ZNF585A: variants seen among roughly 807,000 people sequenced by gnomAD.
ZNF585A encodes the protein zinc finger protein 585A.
Under a neutral mutation model 14.9 loss-of-function variants are expected in ZNF585A, and 9 were observed. The ratio of observed to expected loss-of-function variants is 0.60; its 90% CI spans 0.36 to 1.05. ZNF585A has a LOEUF of 1.05. Among genes scored for constraint, ZNF585A ranks in the 50% least tolerant of loss-of-function variants. The pLI is 0.01. For missense variants in ZNF585A, 726 were observed against 926.4 expected (o/e 0.78, Z 2.81); for synonymous variants, 276 against 319.9 (o/e 0.86, Z 1.46).
At position 37,152,209 on chromosome 19, in the gene ZNF585A, T is replaced by C. The variant is rs749622659; in HGVS notation, c.1690A>G (p.Ile564Val). 5.6e-6 allele frequency: 9 copies of C among 1,613,354 alleles called. No homozygotes were observed. Among genetic ancestry groups the C allele is most frequent in the East Asian group, 4.5e-5 (2 of 44,874 alleles). ...ECGKAFNQKS[I>V]LIVHQKIHTG... ...TGAATTTTCTGATGAACAATGAGTA[T>C]TGATTTCTGGTTGAAGGCTTTCCCA... is the stretch of plus-strand genomic sequence containing the variant. Residue 564 changes from isoleucine (I) to valine (V), a missense_variant, in exon 5 of 5, where the codon ATA (isoleucine) becomes GTA (valine). Ile to Val is a conservative substitution (Grantham distance 29). Coordinates refer to ENST00000292841, the MANE Select transcript of ZNF585A (RefSeq NM_001288800.2).
At chr19:37,169,284 G>A (rs1426371066) in intron 2 of ZNF585A, among the ~76,000 whole-genome samples, 2 of 151,850 alleles carry the variant, frequency 1.3e-5, no homozygotes, top group African/African-American at 2.4e-5. Flanking sequence ...AAATTAAAAC[G>A]TTGAATTAAA....
In ZNF585A at chr19:37,151,811, C is replaced by T. The variant is rs751372125; in HGVS notation, c.2088G>A (p.Gly696=). The T allele has an allele frequency of 6.2e-7, 1 of 1,612,468 alleles. No individual in the cohort carries two copies. Among genetic ancestry groups the T allele is most frequent in the African/African-American group, 1.3e-5 (1 of 74,736 alleles). Residue 696 remains glycine, a synonymous_variant, in exon 5 of 5, where the codon GGG becomes GGA. Coordinates refer to ENST00000292841, the MANE Select transcript of ZNF585A (RefSeq NM_001288800.2). ...GCTGTGATTTTTTAGTGAAAGACTT[C>T]CCACAGTCACTGCACTCATAAGGTT... The part of the protein sequence containing the change: ...GEKPYECSDC[G]KSFTKKSQLQ...
rs1299949964 is a variant in ZNF585A at position 37,151,062 on chromosome 19, T to C, written c.*527A>G. The C allele has an allele frequency of 3.4e-6, 1 of 296,304 alleles. No individual in the cohort carries two copies. The highest frequency in any genetic ancestry group is 2.2e-5 in the African/African-American group (1 of 46,256). The allele number at this position is 296,304 out of a possible 1,614,324, so 18.4% of individuals were successfully genotyped here. A position where few individuals can be genotyped will look rare whatever the true frequency, so the allele number is the denominator to read the frequency against. Reference sequence around the variant, plus strand: ...TGTAGCATCTCTTTCTTGATAGAAATACTGAATGAGGGTTGGATATGACCA... The same window carrying C: ...TGTAGCATCTCTTTCTTGATAGAAACACTGAATGAGGGTTGGATATGACCA... On this transcript the variant is annotated 3_prime_UTR_variant, in exon 5 of 5. Transcript: ENST00000292841.
At chr19:37,164,195 G>C (rs371851910) in intron 2 of ZNF585A, among the ~76,000 whole-genome samples, 1 of 152,084 alleles carries the variant, frequency 6.6e-6, no homozygotes, top group African/African-American at 2.4e-5. Flanking sequence ...GAAGCGGGTG[G>C]ATCACGAGGT....
chr19:37,159,551 T>C (rs1322634373), intron 2 of ZNF585A, among the ~76,000 whole-genome samples: 2 of 152,052 alleles, frequency 1.3e-5, no homozygotes, highest in Admixed American at 1.3e-4. Context: ...AGACAGGACA[T>C]CATCAAGGTT....
intron 2 of ZNF585A, among the ~76,000 whole-genome samples, chr19:37,161,114 A>G (rs62110076): frequency 0.022 from 3,343 of 152,288 alleles, 57 homozygotes; most frequent in Non-Finnish European, 0.035. Flanking sequence ...AAGAGGAGAA[A>G]CACTTCCAAA....
intron 1 of ZNF585A, among the ~76,000 whole-genome samples, chr19:37,170,380 A>G (rs1266287452): frequency 6.6e-6 from 1 of 152,244 alleles, no homozygotes; most frequent in African/African-American, 2.4e-5. Flanking sequence ...AAAATCTGTG[A>G]TAGGTATTAG....
intron 2 of ZNF585A, 50 bp downstream of exon 2, chr19:37,169,789 T>C: frequency 3.7e-6 from 6 of 1,601,214 alleles, no homozygotes; most frequent in East Asian, 4.5e-5. Flanking sequence ...AGACCAGAGA[T>C]ACCTAGTCCT....
Position 37,168,440 on chromosome 19 carries a change from A to G in ZNF585A, c.72+1399T>C, listed in dbSNP as rs532982538. ...ACCAATCTCTGACCACCATGGTGGA[A>G]GACAAAACCAAGACCACTCTGTCAT... On this transcript the variant is annotated intron_variant, in intron 2 of 4. Transcript: ENST00000292841. 2.6e-5 allele frequency among the ~76,000 whole-genome samples: 4 copies of G among 152,324 alleles called. No homozygotes were observed. The East Asian group carries it at 7.7e-4, about 29-fold the overall frequency.
Position 37,152,914 on chromosome 19 carries a change from TAC to T in ZNF585A, c.983_984del (p.Cys328TyrfsTer10), listed in dbSNP as rs1971860101. On this transcript the variant is annotated frameshift_variant, in exon 5 of 5. Transcript: ENST00000292841. LOFTEE classifies it low-confidence loss of function (END_TRUNC). ...TTGCTGAAGACCTTCCCATATTCGGTACATATATAGGGCTTCACTCTTGTGTG... is the reference window on the plus strand; with the variant it reads ...TTGCTGAAGACCTTCCCATATTCGGTATATATAGGGCTTCACTCTTGTGTG... ...RVHTRVKPYI[C>X]TEYGKVFSNN... is the part of the protein sequence containing the mutation. 1.2e-6 allele frequency: 2 copies of T among 1,614,240 alleles called. No individual in the cohort carries two copies. The highest frequency in any genetic ancestry group is 4.5e-5 in the East Asian group (2 of 44,888).
chr19:37,172,443 C>T (rs1199526375), intron 1 of ZNF585A, 184 bp downstream of exon 1: 1 of 152,254 alleles, frequency 6.6e-6, no homozygotes, highest in African/African-American at 2.4e-5. Flanking sequence ...CACTGACCCC[C>T]AAACCTCAAT....
intron 2 of ZNF585A, chr19:37,165,593 A>T: frequency 3.1e-6 from 3 of 973,012 alleles, no homozygotes; most frequent in Non-Finnish European, 3.7e-6. Context: ...GTAAAAACCT[A>T]CTAGGCTATT....
intron 2 of ZNF585A, among the ~76,000 whole-genome samples, chr19:37,161,126 T>A (rs991612547): frequency 6.6e-6 from 1 of 151,928 alleles, no homozygotes; most frequent in Non-Finnish European, 1.5e-5. Context: ...ACTTCCAAAC[T>A]AATATTTTTA....
chr19:37,165,044 G>A (rs1568498351), intron 2 of ZNF585A, among the ~76,000 whole-genome samples: 3 of 152,182 alleles, frequency 2.0e-5, no homozygotes, highest in Admixed American at 6.5e-5. Flanking sequence ...TAAAGATTTG[G>A]TGGGGTAGTT....
rs182857735 is a variant in ZNF585A, at chr19:37,166,616, A to G, written c.72+3223T>C. On this transcript the variant is annotated intron_variant, in intron 2 of 4. Coordinates refer to ENST00000292841, the MANE Select transcript of ZNF585A (RefSeq NM_001288800.2). ...TGTGAGTCACCATGCCCGGCTGCACAGTCTTTGATTATGTAGATATTTACT... is the reference window on the plus strand; with the variant it reads ...TGTGAGTCACCATGCCCGGCTGCACGGTCTTTGATTATGTAGATATTTACT... Among the ~76,000 whole-genome samples the G allele has an allele frequency of 2.1e-4, 32 of 151,712 alleles. No homozygotes were observed. In the East Asian group the frequency reaches 5.2e-3, roughly 25 times the overall value.
intron 2 of ZNF585A, among the ~76,000 whole-genome samples, chr19:37,159,042 G>T (rs1404045745): frequency 6.6e-6 from 1 of 151,984 alleles, no homozygotes; most frequent in African/African-American, 2.4e-5. Context: ...GAGGTTGGGG[G>T]TTTGAGACCA....
Position 37,149,214 on chromosome 19 carries a change from G to A in ZNF585A, c.*2375C>T, listed in dbSNP as rs1971784785. 1 of 152,160 alleles carries A rather than the reference G, an allele frequency of 6.6e-6. No individual in the cohort carries two copies. Among genetic ancestry groups the A allele is most frequent in the South Asian group, 2.1e-4 (1 of 4,828 alleles). 9.4% of individuals were successfully genotyped at this position (152,160 alleles called of 1,614,324 possible). On this transcript the variant is annotated 3_prime_UTR_variant, in exon 5 of 5. Transcript: ENST00000292841. ...CCAATTGTAACAAATATACTACTCT[G>A]AGAGGAATGCTGATAATGTGGGAGG...
rs184070994 is a variant in ZNF585A at position 37,158,643 on chromosome 19, T to C, written c.73-2288A>G. ...GACATGGAAGGGAATATTTTCTTTA[T>C]TAATAGAGACTTTAGAGCCATACTA... On this transcript the variant is annotated intron_variant, in intron 2 of 4. Coordinates refer to ENST00000292841, the MANE Select transcript of ZNF585A (RefSeq NM_001288800.2). Among the ~76,000 whole-genome samples, 513 of 152,270 alleles carry C rather than the reference T, an allele frequency of 3.4e-3. 5 individuals are homozygous for C. The highest frequency in any genetic ancestry group is 9.4e-3 in the Admixed American group (143 of 15,290).
rs1691994723 is a variant in ZNF585A, at chr19:37,147,425, G to A, written c.*4164C>T. 6.6e-6 allele frequency: 1 copy of A among 152,244 alleles called. No individual in the cohort carries two copies. Among genetic ancestry groups the A allele is most frequent in the Admixed American group, 6.5e-5 (1 of 15,288 alleles). The allele number at this position is 152,244 out of a possible 1,614,324, so 9.4% of individuals were successfully genotyped here. A position where few individuals can be genotyped will look rare whatever the true frequency, so the allele number is the denominator to read the frequency against. ...GAGATGCCTGACAAATAAAAATGTT[G>A]ACTAACTCCAACTGCAGACTCTCTG... On this transcript the variant is annotated 3_prime_UTR_variant, in exon 5 of 5. Transcript: ENST00000292841.
Sources: allele counts gnomAD v4.1 joint callset (sites outside exome capture counted in the v4.1 genomes callset), GRCh38; gene constraint gnomAD v4.1.1; transcripts MANE v1.5; gene names NCBI Gene and HGNC (gene_info 2026-07-23, HGNC 2026-07-21).